CUX2: variants seen among roughly 807,000 people sequenced by gnomAD.
CUX2 encodes the protein cut like homeobox 2.
A neutral mutation model predicts 144.8 loss-of-function variants in CUX2; 40 were observed. The ratio of observed to expected loss-of-function variants is 0.28; its 90% CI spans 0.21 to 0.36. The LOEUF is 0.36. Ranked by LOEUF, CUX2 falls within the 10% of genes least tolerant of loss-of-function variation. CUX2 has a pLI of 1.00. For synonymous variants in CUX2, 827 were observed against 875.6 expected, an observed-to-expected ratio of 0.94 and a Z score of 0.98; for missense variants, 1,615 against 1,994.0, an observed-to-expected ratio of 0.81 and a Z score of 3.62.
chr12:111,294,521 T>C (rs2136336910), intron 6 of CUX2, among the ~76,000 whole-genome samples: 1 of 149,166 alleles, frequency 6.7e-6, no homozygotes, highest in East Asian at 2.0e-4. Flanking sequence ...TGGTCGAGGC[T>C]GTAGTGAGCT....
At chr12:111,166,508 A>G (rs1878152140) in intron 1 of CUX2, among the ~76,000 whole-genome samples, 1 of 152,242 alleles carries the variant, frequency 6.6e-6, no homozygotes, top group Admixed American at 6.5e-5. Context: ...CACTTCCTGC[A>G]GATATTCTCA....
At chr12:111,244,433 T>C (rs915712319) in intron 3 of CUX2, among the ~76,000 whole-genome samples, 1 of 152,232 alleles carries the variant, frequency 6.6e-6, no homozygotes, top group Admixed American at 6.5e-5. Flanking sequence ...TGTCGCTAGA[T>C]AGCACTGTGC....
At chr12:111,291,007 C>T (rs142137055) in intron 4 of CUX2, among the ~76,000 whole-genome samples, 10 of 152,024 alleles carry the variant, frequency 6.6e-5, no homozygotes, top group African/African-American at 2.2e-4. Flanking sequence ...GGACTACAAG[C>T]ATGCACCACC....
At chr12:111,297,319 C>G (rs1886061334) in intron 8 of CUX2, among the ~76,000 whole-genome samples, 1 of 152,244 alleles carries the variant, frequency 6.6e-6, no homozygotes, top group African/African-American at 2.4e-5. Flanking sequence ...AGACATGTCT[C>G]TTCCCTCTGA....
chr12:111,292,701 G>C (rs748413255), intron 5 of CUX2, among the ~76,000 whole-genome samples: 5 of 152,236 alleles, frequency 3.3e-5, no homozygotes, highest in Admixed American at 6.5e-5. Flanking sequence ...AATTGGTAGA[G>C]ACAGAAAGGA....
At chr12:111,211,761 T>G (rs1480452750) in intron 1 of CUX2, among the ~76,000 whole-genome samples, 1 of 151,930 alleles carries the variant, frequency 6.6e-6, no homozygotes. Context: ...GGTGGGTGCT[T>G]GTAGTCACAG....
Position 111,034,738 on chromosome 12 carries a change from A to G in CUX2, c.63+498A>G, listed in dbSNP as rs1869334503. 1.3e-5 allele frequency among the ~76,000 whole-genome samples: 2 copies of G among 150,902 alleles called. No individual in the cohort carries two copies. Among genetic ancestry groups the G allele is most frequent in the South Asian group, 4.2e-4 (2 of 4,810 alleles). On this transcript the variant is annotated intron_variant, in intron 1 of 21. Coordinates refer to ENST00000261726, the MANE Select transcript of CUX2 (RefSeq NM_015267.4). This position sits in a 1 kb window ranked among gnomAD's most constrained non-coding sequence, Gnocchi z 4.2. ...GGAGGAGGAGGAGGAGAGGAGGAGG[A>G]GGAGGAGAGAGGAGGAGGGAGCCGG...
intron 1 of CUX2, among the ~76,000 whole-genome samples, chr12:111,085,097 A>G (rs905101727): frequency 2.0e-5 from 3 of 152,204 alleles, no homozygotes; most frequent in African/African-American, 7.2e-5. Flanking sequence ...CAAAGAAAAA[A>G]AAATAAATGA....
chr12:111,288,399 G>A (rs1387201419), intron 4 of CUX2, among the ~76,000 whole-genome samples: 1 of 152,044 alleles, frequency 6.6e-6, no homozygotes, highest in Non-Finnish European at 1.5e-5. Context: ...AGAGTCACTT[G>A]CCAAAGTCAT....
intron 10 of CUX2, 24 bp from the exon 11 acceptor site, chr12:111,306,897 C>T: frequency 6.4e-7 from 1 of 1,564,080 alleles, no homozygotes; most frequent in Non-Finnish European, 8.7e-7. Flanking sequence ...CCTCTCAGCC[C>T]CTCAAAGACC....
intron 16 of CUX2, among the ~76,000 whole-genome samples, chr12:111,315,061 C>T (rs966666585): frequency 3.9e-5 from 6 of 152,072 alleles, no homozygotes; most frequent in Admixed American, 6.6e-5. Context: ...GTTTGCTCTC[C>T]ATGGGCCAGC....
intron 4 of CUX2, among the ~76,000 whole-genome samples, chr12:111,282,023 A>G (rs1885134809): frequency 6.6e-6 from 1 of 152,134 alleles, no homozygotes; most frequent in Non-Finnish European, 1.5e-5. Context: ...TCCAGCTACC[A>G]TTAAAAACAT....
In CUX2 at chr12:111,178,795, C is replaced by T. The variant is rs548160952; in HGVS notation, c.64-35405C>T. 5.3e-5 allele frequency among the ~76,000 whole-genome samples: 8 copies of T among 152,118 alleles called. No homozygotes were observed. Among genetic ancestry groups the T allele is most frequent in the South Asian group, 2.1e-4 (1 of 4,806 alleles). ...CCTGTGATGAGGGCTCAGATGGAAG[C>T]GCAGGGGCCGTGGGGGCTTGGGGAT... is the stretch of plus-strand genomic sequence containing the variant. On this transcript the variant is annotated intron_variant, in intron 1 of 21. Transcript: ENST00000261726. This position sits in a 1 kb window ranked among gnomAD's most constrained non-coding sequence, Gnocchi z 5.7.
chr12:111,169,785 A>G (rs961002876), intron 1 of CUX2, among the ~76,000 whole-genome samples: 1 of 152,148 alleles, frequency 6.6e-6, no homozygotes, highest in Non-Finnish European at 1.5e-5. Flanking sequence ...CTGATAATAG[A>G]CCCTGAGTAC....
At chr12:111,169,409 A>G (rs1156452962) in intron 1 of CUX2, among the ~76,000 whole-genome samples, 1 of 152,148 alleles carries the variant, frequency 6.6e-6, no homozygotes, top group African/African-American at 2.4e-5. Context: ...GTTGGTGGTA[A>G]TTCATCACAG....
At chr12:111,089,740 G>T (rs1402931093) in intron 1 of CUX2, among the ~76,000 whole-genome samples, 1 of 152,236 alleles carries the variant, frequency 6.6e-6, no homozygotes, top group African/African-American at 2.4e-5. Flanking sequence ...AAGTACAAAG[G>T]CTCAGAGGTC....
In CUX2 at chr12:111,059,240, G is replaced by T. The variant is rs1229856831; in HGVS notation, c.63+25000G>T. Among the ~76,000 whole-genome samples, 1 of 152,176 alleles carries T rather than the reference G, an allele frequency of 6.6e-6. No homozygotes were observed. Among genetic ancestry groups the T allele is most frequent in the African/African-American group, 2.4e-5 (1 of 41,450 alleles). On this transcript the variant is annotated intron_variant, in intron 1 of 21. Transcript: ENST00000261726. The surrounding 1 kb of genome is among the most constrained non-coding windows in gnomAD (Gnocchi z 5.3). ...GGTCAGCTGGAGGGGGCCCCTCTTT[G>T]CAGGGCTTCTCGGGGAGGTGGGAGG...
chr12:111,166,770 G>A (rs758379948), intron 1 of CUX2, among the ~76,000 whole-genome samples: 10 of 152,176 alleles, frequency 6.6e-5, no homozygotes, highest in African/African-American at 1.9e-4. Context: ...CGGGGGTAGC[G>A]GACACTGCCC....
chr12:111,249,498 C>T (rs1370604311), intron 3 of CUX2, among the ~76,000 whole-genome samples: 1 of 141,268 alleles, frequency 7.1e-6, no homozygotes, highest in Non-Finnish European at 1.5e-5. Context: ...ACTCTATTGC[C>T]CAGGCAGGAG....
Sources: allele counts gnomAD v4.1 joint callset (sites outside exome capture counted in the v4.1 genomes callset), GRCh38; gene constraint gnomAD v4.1.1; non-coding constraint Gnocchi (gnomAD v3.1); transcripts MANE v1.5; gene names NCBI Gene and HGNC (gene_info 2026-07-23, HGNC 2026-07-21).